ERC2: variants seen among roughly 807,000 people sequenced by gnomAD.
The protein encoded by ERC2 is ERC protein 2.
In ERC2, 42 loss-of-function variants were observed where a neutral mutation model predicts 114.8. That is an observed-to-expected ratio of 0.37 (90% confidence interval 0.29 to 0.47). ERC2 has a LOEUF of 0.47. Ranked by LOEUF, ERC2 falls within the 20% of genes least tolerant of loss-of-function variation. ERC2 has a pLI of 0.99. For synonymous variants in ERC2, 454 were observed against 425.5 expected (o/e 1.07, Z -0.82); for missense variants, 939 against 1,150.7 (o/e 0.82, Z 2.66).
intron 3 of ERC2, among the ~76,000 whole-genome samples, chr3:56,232,696 A>G (rs1004600322): frequency 5.5e-4 from 84 of 152,336 alleles, no homozygotes; most frequent in African/African-American, 1.9e-3. Flanking sequence ...TCTATCACAC[A>G]TCATCAGAAA....
At chr3:55,532,870 G>T (rs1364887595) in intron 17 of ERC2, among the ~76,000 whole-genome samples, 1 of 152,198 alleles carries the variant, frequency 6.6e-6, no homozygotes, top group Non-Finnish European at 1.5e-5. Flanking sequence ...CCCAAGGCTG[G>T]GTGCTGGGAT....
At chr3:56,298,429 C>A (rs1171423322) in intron 2 of ERC2, among the ~76,000 whole-genome samples, 1 of 151,972 alleles carries the variant, frequency 6.6e-6, no homozygotes, top group African/African-American at 2.4e-5. Flanking sequence ...ATATTCATAG[C>A]AGCAACATTC....
chr3:55,743,683 C>T (rs2066125603), intron 14 of ERC2, among the ~76,000 whole-genome samples: 1 of 151,648 alleles, frequency 6.6e-6, no homozygotes, highest in Admixed American at 6.6e-5. Context: ...AAAACATACC[C>T]ACACAAATGA....
chr3:55,720,202 CTTCTTCTTCTTCTTCTTCTTCT>C (rs1559547406), intron 15 of ERC2, among the ~76,000 whole-genome samples: 1 of 13,242 alleles, frequency 7.6e-5, no homozygotes, highest in Non-Finnish European at 1.3e-4. Context: ...TCTTCTTCTT[CTTCTTCTTCTTCTTCTTCTTCT>C]TCTTCTTCTT....
At chr3:56,060,325 A>G (rs750565204) in intron 7 of ERC2, among the ~76,000 whole-genome samples, 1 of 152,236 alleles carries the variant, frequency 6.6e-6, no homozygotes, top group Non-Finnish European at 1.5e-5. Flanking sequence ...AATCAGCTGC[A>G]TTATCCACAG....
intron 4 of ERC2, among the ~76,000 whole-genome samples, chr3:56,156,085 GA>G (rs1459434838): frequency 2.0e-5 from 3 of 152,116 alleles, no homozygotes; most frequent in Non-Finnish European, 4.4e-5. Flanking sequence ...AATGAAATTT[GA>G]AAACTGTGGA....
intron 12 of ERC2, among the ~76,000 whole-genome samples, chr3:55,954,286 G>C (rs1163166181): frequency 2.6e-5 from 4 of 152,134 alleles, no homozygotes; most frequent in African/African-American, 9.6e-5. Flanking sequence ...CATAAATCAA[G>C]GGATGTCACT....
At chr3:56,450,142 A>T (rs535267372) in intron 1 of ERC2, among the ~76,000 whole-genome samples, 1 of 152,352 alleles carries the variant, frequency 6.6e-6, no homozygotes, top group African/African-American at 2.4e-5. Context: ...GATTTTCAAA[A>T]TTGCTTTCCC....
At chr3:56,110,232 T>C (rs1027371848) in intron 6 of ERC2, among the ~76,000 whole-genome samples, 2 of 152,296 alleles carry the variant, frequency 1.3e-5, no homozygotes, top group East Asian at 3.9e-4. Context: ...GCTGAGGTAT[T>C]ATAATAGGTA....
At chr3:56,209,320 C>T (rs957904488) in intron 3 of ERC2, among the ~76,000 whole-genome samples, 1 of 152,136 alleles carries the variant, frequency 6.6e-6, no homozygotes. Flanking sequence ...TTCAAGATGC[C>T]TTGCTTGACC....
intron 13 of ERC2, among the ~76,000 whole-genome samples, chr3:55,894,171 T>C (rs976609773): frequency 2.0e-4 from 30 of 152,038 alleles, no homozygotes; most frequent in African/African-American, 6.8e-4. Context: ...GTAAGAAAAA[T>C]AAAATAGTAT....
At chr3:56,018,806 A>T (rs2073495980) in intron 8 of ERC2, 88 bp downstream of exon 8, 1 of 1,425,296 alleles carries the variant, frequency 7.0e-7, no homozygotes, top group Non-Finnish European at 9.6e-7. Flanking sequence ...AAAGAAGAAA[A>T]GCAGGCACAT....
chr3:56,217,217 A>G (rs919043889), intron 3 of ERC2, among the ~76,000 whole-genome samples: 49 of 152,210 alleles, frequency 3.2e-4, no homozygotes, highest in Non-Finnish European at 5.9e-4. Flanking sequence ...TTTGCAGATG[A>G]CATGATTGTA....
chr3:55,678,006 G>A (rs1252252806), intron 17 of ERC2, among the ~76,000 whole-genome samples: 2 of 152,186 alleles, frequency 1.3e-5, no homozygotes, highest in Non-Finnish European at 2.9e-5. Context: ...TAATTGCAAA[G>A]ACTGTGAATA....
chr3:55,674,971 A>G (rs910431422), intron 17 of ERC2, among the ~76,000 whole-genome samples: 1 of 152,230 alleles, frequency 6.6e-6, no homozygotes, highest in South Asian at 2.1e-4. Context: ...ATAAAGGCTC[A>G]GCATCTCAGT....
At chr3:55,615,524 C>T (rs2059087237) in intron 17 of ERC2, among the ~76,000 whole-genome samples, 1 of 152,156 alleles carries the variant, frequency 6.6e-6, no homozygotes, top group South Asian at 2.1e-4. Flanking sequence ...ACAATCACCT[C>T]ACCTCCTGAC....
chr3:55,623,119 A>C (rs75787578), intron 17 of ERC2, among the ~76,000 whole-genome samples: 299 of 152,298 alleles, frequency 2.0e-3, no homozygotes, highest in Non-Finnish European at 3.7e-3. Context: ...GGATGGTATA[A>C]AGTGGCACAG....
intron 2 of ERC2, among the ~76,000 whole-genome samples, chr3:56,318,937 G>T (rs2056996806): frequency 6.8e-6 from 1 of 147,092 alleles, no homozygotes; most frequent in African/African-American, 2.5e-5. Context: ...ACTCCAGCCT[G>T]GGTGACACAG....
intron 14 of ERC2, among the ~76,000 whole-genome samples, chr3:55,877,004 A>G (rs539535757): frequency 6.6e-6 from 1 of 152,220 alleles, no homozygotes. Flanking sequence ...TGTGAGTTCC[A>G]TGTGAAAATA....
Sources: allele counts gnomAD v4.1 joint callset (sites outside exome capture counted in the v4.1 genomes callset), GRCh38; gene constraint gnomAD v4.1.1; transcripts MANE v1.5; gene names NCBI Gene and HGNC (gene_info 2026-07-23, HGNC 2026-07-21).